KDM4C: variants seen among roughly 807,000 people sequenced by gnomAD.
KDM4C encodes lysine-specific demethylase 4C.
KDM4C carries 81 observed loss-of-function variants against 129.3 expected under a neutral mutation model. That is an observed-to-expected ratio of 0.63 (90% CI 0.52 to 0.75). The LOEUF is 0.75. Ranked by LOEUF, KDM4C falls within the 30% of genes least tolerant of loss-of-function variation. KDM4C has a pLI of 0.00. For missense variants in KDM4C, 1,457 were observed against 1,304.0 expected (o/e 1.12, Z -1.81); for synonymous variants, 573 against 456.1 (o/e 1.26, Z -3.26).
intron 15 of KDM4C, among the ~76,000 whole-genome samples, chr9:7,019,737 AAAAT>A (rs1439509935): frequency 8.7e-6 from 1 of 114,576 alleles, no homozygotes; most frequent in Non-Finnish European, 1.8e-5. Context: ...TTTATATATA[AAAAT>A]ATAATATTTT....
chr9:6,747,882 T>G (rs1034606578), intron 1 of KDM4C, among the ~76,000 whole-genome samples: 5 of 151,962 alleles, frequency 3.3e-5, no homozygotes, highest in African/African-American at 1.2e-4. Flanking sequence ...GATTTCTTTC[T>G]AGGAAAGAAC....
intron 8 of KDM4C, among the ~76,000 whole-genome samples, chr9:6,895,208 C>A (rs1337260082): frequency 6.6e-6 from 1 of 152,186 alleles, no homozygotes; most frequent in Non-Finnish European, 1.5e-5. Context: ...CATTTATTAT[C>A]TCATGGTTCT....
At chr9:7,093,405 A>G (rs529624189) in intron 17 of KDM4C, among the ~76,000 whole-genome samples, 1 of 152,358 alleles carries the variant, frequency 6.6e-6, no homozygotes, top group African/African-American at 2.4e-5. Flanking sequence ...CGAAAAAAGA[A>G]AACGGAAAAC....
At chr9:6,733,732 T>G (rs890304726) in intron 1 of KDM4C, among the ~76,000 whole-genome samples, 3 of 152,200 alleles carry the variant, frequency 2.0e-5, no homozygotes, top group African/African-American at 7.2e-5. Flanking sequence ...AATAAAAGAA[T>G]GGCTATTCCA....
At position 6,946,115 on chromosome 9, in the gene KDM4C, T is replaced by C. The variant is rs573342197; in HGVS notation, c.922-34810T>C. 5.3e-5 allele frequency among the ~76,000 whole-genome samples: 8 copies of C among 152,260 alleles called. No individual in the cohort carries two copies. In the East Asian group the frequency reaches 1.5e-3, roughly 29 times the overall value. The stretch of plus-strand genomic sequence containing the variant: ...TGATCCTATGGTATTGCTTGTGTAA[T>C]CAAGGGGGTTAGTGGATCATATGGA... On this transcript the variant is annotated intron_variant, in intron 8 of 21. Coordinates refer to ENST00000381309, the MANE Select transcript of KDM4C (RefSeq NM_015061.6).
At chr9:7,021,396 C>T (rs563906753) in intron 15 of KDM4C, among the ~76,000 whole-genome samples, 62 of 152,218 alleles carry the variant, frequency 4.1e-4, no homozygotes, top group African/African-American at 1.2e-3. Context: ...CTGCCTTCGT[C>T]GGCCTCCCAA....
chr9:6,773,316 A>G (rs1404163080), intron 1 of KDM4C, among the ~76,000 whole-genome samples: 1 of 152,182 alleles, frequency 6.6e-6, no homozygotes, highest in African/African-American at 2.4e-5. Flanking sequence ...GCTACCATAA[A>G]TTACCATTTT....
chr9:6,803,078 A>C (rs1179674929), intron 2 of KDM4C, among the ~76,000 whole-genome samples: 1 of 152,180 alleles, frequency 6.6e-6, no homozygotes, highest in Non-Finnish European at 1.5e-5. Context: ...TAAACACCGT[A>C]ATTGTGGTTA....
chr9:6,776,671 C>G (rs1431415306), intron 1 of KDM4C, among the ~76,000 whole-genome samples: 4 of 137,412 alleles, frequency 2.9e-5, no homozygotes, highest in South Asian at 2.2e-4. Flanking sequence ...ATGGCGCTAT[C>G]TCAGCTCACT....
In KDM4C at chr9:7,015,879, A is replaced by C. The variant is rs1237113325; in HGVS notation, c.2209A>C (p.Ile737Leu). The C allele has an allele frequency of 6.2e-7, 1 of 1,612,458 alleles. No homozygotes were observed. Among genetic ancestry groups the C allele is most frequent in the Non-Finnish European group, 8.5e-7 (1 of 1,178,884 alleles). Residue 737 changes from isoleucine (I) to leucine (L), a missense_variant, in exon 15 of 22, where the codon ATC becomes CTC. Physicochemically the swap from Ile to Leu is conservative, Grantham distance 5. Coordinates refer to ENST00000381309, the MANE Select transcript of KDM4C (RefSeq NM_015061.6). ...ASCYGIPSHE[I>L]CDGWLCARCK... ...TTGTTATGGTATTCCTTCTCATGAGATCTGTGATGGATGGCTGTGTGCCCG... is the reference window on the plus strand; with the variant it reads ...TTGTTATGGTATTCCTTCTCATGAGCTCTGTGATGGATGGCTGTGTGCCCG...
chr9:6,961,358 G>A lies in KDM4C; in HGVS notation c.922-19567G>A, dbSNP rs558539846. On this transcript the variant is annotated intron_variant, in intron 8 of 21. Coordinates refer to ENST00000381309, the MANE Select transcript of KDM4C (RefSeq NM_015061.6). ...TAGAAGAACCATATTACATCCAGAT[G>A]GCTTGCATGCATATATAGTGTTTTG... is the stretch of plus-strand genomic sequence containing the variant. 3.9e-5 allele frequency among the ~76,000 whole-genome samples: 6 copies of A among 152,176 alleles called. No individual in the cohort carries two copies. The East Asian group carries it at 1.2e-3, about 29-fold the overall frequency.
At chr9:6,885,069 G>A (rs1339943570) in intron 6 of KDM4C, among the ~76,000 whole-genome samples, 1 of 152,096 alleles carries the variant, frequency 6.6e-6, no homozygotes, top group Non-Finnish European at 1.5e-5. Flanking sequence ...ATTGAGTTTT[G>A]ACAAATGTTT....
At chr9:7,029,992 G>C (rs1826456701) in intron 15 of KDM4C, among the ~76,000 whole-genome samples, 1 of 152,078 alleles carries the variant, frequency 6.6e-6, no homozygotes, top group South Asian at 2.1e-4. Flanking sequence ...ATTCTTGGAG[G>C]TCAGGCAGGG....
At chr9:7,080,263 C>T (rs935389008) in intron 17 of KDM4C, among the ~76,000 whole-genome samples, 13 of 152,300 alleles carry the variant, frequency 8.5e-5, no homozygotes, top group African/African-American at 2.6e-4. Context: ...CTCCTCCTTA[C>T]TGTTTTCTGA....
chr9:6,966,327 C>T (rs1830960470), intron 8 of KDM4C, among the ~76,000 whole-genome samples: 1 of 152,084 alleles, frequency 6.6e-6, no homozygotes, highest in South Asian at 2.1e-4. Flanking sequence ...GGAATACAGG[C>T]GCCCGCCACT....
intron 17 of KDM4C, among the ~76,000 whole-genome samples, chr9:7,094,734 T>C (rs557977825): frequency 6.6e-6 from 1 of 152,214 alleles, no homozygotes; most frequent in South Asian, 2.1e-4. Flanking sequence ...ATTGACTTTA[T>C]AGCTTTTCAT....
intron 8 of KDM4C, among the ~76,000 whole-genome samples, chr9:6,960,893 T>C (rs372566892): frequency 1.6e-4 from 25 of 152,268 alleles, no homozygotes; most frequent in Middle Eastern, 3.4e-3. Context: ...ACTAGGCTAG[T>C]GAGCACTACA....
intron 19 of KDM4C, among the ~76,000 whole-genome samples, chr9:7,153,484 CT>C (rs1397236648): frequency 6.6e-6 from 1 of 152,178 alleles, no homozygotes; most frequent in Non-Finnish European, 1.5e-5. Flanking sequence ...TGGGAGACTG[CT>C]GCCGGTCATC....
At chr9:6,803,427 G>A (rs1022337503) in intron 2 of KDM4C, among the ~76,000 whole-genome samples, 3 of 151,794 alleles carry the variant, frequency 2.0e-5, no homozygotes, top group Admixed American at 1.3e-4. Context: ...AAAATTAGCC[G>A]GGCATGGTGG....
Sources: allele counts gnomAD v4.1 joint callset (sites outside exome capture counted in the v4.1 genomes callset), GRCh38; gene constraint gnomAD v4.1.1; transcripts MANE v1.5; gene names NCBI Gene and HGNC (gene_info 2026-07-23, HGNC 2026-07-21).